Variants in SLC35F3 observed in about 807,000 individuals in gnomAD.
The protein encoded by SLC35F3 is solute carrier family 35 member F3.
In SLC35F3, 25 loss-of-function variants were observed where a neutral mutation model predicts 49.9. The ratio of observed to expected loss-of-function variants is 0.50; its 90% CI spans 0.37 to 0.70. The LOEUF (loss-of-function observed/expected upper bound fraction) is 0.70. Ranked by LOEUF, SLC35F3 falls within the 30% of genes least tolerant of loss-of-function variation. The probability of loss-of-function intolerance (pLI) is 0.00; values close to 1 mark genes in which losing one functional copy is unlikely to be tolerated. For synonymous variants in SLC35F3, 275 were observed against 265.4 expected (o/e 1.04, Z -0.35); for missense variants, 525 against 639.8 (o/e 0.82, Z 1.94).
intron 2 of SLC35F3, among the ~76,000 whole-genome samples, chr1:233,910,683 A>G (rs191170428): frequency 6.6e-6 from 1 of 152,340 alleles, no homozygotes; most frequent in African/African-American, 2.4e-5. Flanking sequence ...TCTGGGTAAA[A>G]AGTCCCCAAA....
Position 234,039,807 on chromosome 1 carries a change from C to T in SLC35F3, c.283+134049C>T, listed in dbSNP as rs545646051. Among the ~76,000 whole-genome samples the T allele has an allele frequency of 2.7e-3, 414 of 152,324 alleles. 5 individuals carry two copies. The highest frequency in any genetic ancestry group is 9.3e-3 in the African/African-American group (387 of 41,576). On this transcript the variant is annotated intron_variant, in intron 2 of 7. Coordinates refer to ENST00000366618, the MANE Select transcript of SLC35F3 (RefSeq NM_173508.4). The stretch of plus-strand genomic sequence containing the variant: ...AGCTGGCAGGAGCAAACTCCATGCA[C>T]GCCCCGCGGCAGCATCCAGGTGGGG...
At chr1:234,034,927 CA>C (rs1553299496) in intron 2 of SLC35F3, among the ~76,000 whole-genome samples, 1 of 152,196 alleles carries the variant, frequency 6.6e-6, no homozygotes, top group Non-Finnish European at 1.5e-5. Context: ...ATGACCCTAT[CA>C]TAAATTCAAC....
At chr1:233,978,746 G>A (rs1041634387) in intron 2 of SLC35F3, among the ~76,000 whole-genome samples, 3 of 151,346 alleles carry the variant, frequency 2.0e-5, no homozygotes, top group Non-Finnish European at 4.4e-5. Flanking sequence ...AGGATTAAAT[G>A]AAGTCAGGTG....
rs1048447961 is a variant in SLC35F3 at position 234,300,798 on chromosome 1, G to A, written c.609-8303G>A. Among the ~76,000 whole-genome samples, 3 of 152,220 alleles carry A rather than the reference G, an allele frequency of 2.0e-5. No individual in the cohort carries two copies. The East Asian group carries it at 5.8e-4, about 29-fold the overall frequency. ...TCTCTCTGAGTGTAGTGTGGAAAAT[G>A]GAATGAATCAGATTGGAGGAGGGAC... On this transcript the variant is annotated intron_variant, in intron 3 of 7. Transcript: ENST00000366618.
intron 2 of SLC35F3, among the ~76,000 whole-genome samples, chr1:234,152,008 T>C (rs1218198539): frequency 2.6e-5 from 4 of 151,926 alleles, no homozygotes; most frequent in Non-Finnish European, 5.9e-5. Flanking sequence ...TATCATTTCA[T>C]TTCATTTTAA....
At chr1:233,906,017 C>T (rs1325716963) in intron 2 of SLC35F3, among the ~76,000 whole-genome samples, 2 of 152,224 alleles carry the variant, frequency 1.3e-5, no homozygotes, top group East Asian at 3.9e-4. Flanking sequence ...CTCTCCACTG[C>T]CAAATACGGA....
chr1:234,309,031 T>G, intron 3 of SLC35F3, 70 bp from the exon 4 acceptor site: 1 of 1,136,894 alleles, frequency 8.8e-7, no homozygotes, highest in Non-Finnish European at 1.2e-6. Context: ...AAAAAAAACT[T>G]GCTATAGGAA....
intron 3 of SLC35F3, among the ~76,000 whole-genome samples, chr1:234,305,569 G>A (rs1657146181): frequency 6.6e-6 from 1 of 151,920 alleles, no homozygotes; most frequent in Non-Finnish European, 1.5e-5. Flanking sequence ...GTTTTTAGTA[G>A]AAATGGGGTT....
intron 2 of SLC35F3, among the ~76,000 whole-genome samples, chr1:234,140,249 C>T (rs1665891398): frequency 6.6e-6 from 1 of 152,100 alleles, no homozygotes; most frequent in South Asian, 2.1e-4. Context: ...TTTATCTCAT[C>T]TCATTTCATC....
At chr1:234,242,646 C>T (rs1667571603) in intron 3 of SLC35F3, among the ~76,000 whole-genome samples, 1 of 152,156 alleles carries the variant, frequency 6.6e-6, no homozygotes, top group Non-Finnish European at 1.5e-5. Context: ...TAATTACATA[C>T]ACCTCCTAGG....
At chr1:234,113,241 G>A (rs191964425) in intron 2 of SLC35F3, among the ~76,000 whole-genome samples, 1 of 152,130 alleles carries the variant, frequency 6.6e-6, no homozygotes, top group Non-Finnish European at 1.5e-5. Flanking sequence ...TAAGCCCTTG[G>A]CCTTAGACCT....
intron 2 of SLC35F3, among the ~76,000 whole-genome samples, chr1:234,164,166 C>T (rs929033416): frequency 6.6e-6 from 1 of 151,534 alleles, no homozygotes; most frequent in South Asian, 2.1e-4. Flanking sequence ...CGCTCTTCCC[C>T]CTACCCTGCC....
At chr1:234,181,832 G>T (rs1369950157) in intron 2 of SLC35F3, among the ~76,000 whole-genome samples, 1 of 152,060 alleles carries the variant, frequency 6.6e-6, no homozygotes, top group Non-Finnish European at 1.5e-5. Context: ...ATGTGGTTCT[G>T]TGTATTTTCA....
intron 3 of SLC35F3, among the ~76,000 whole-genome samples, chr1:234,257,512 G>A (rs1667839053): frequency 6.6e-6 from 1 of 152,200 alleles, no homozygotes; most frequent in Admixed American, 6.5e-5. Context: ...AGCAAAAGAA[G>A]ATGGACAAGG....
intron 2 of SLC35F3, among the ~76,000 whole-genome samples, chr1:233,964,774 T>C (rs1161051514): frequency 6.6e-6 from 1 of 152,212 alleles, no homozygotes; most frequent in Non-Finnish European, 1.5e-5. Flanking sequence ...GCCATGCTGA[T>C]GAGTTCCTTT....
Position 233,905,472 on chromosome 1 carries a change from C to T in SLC35F3, c.54-57C>T, listed in dbSNP as rs544070030. The T allele has an allele frequency of 4.8e-5, 62 of 1,302,566 alleles. No homozygotes were observed. The South Asian group carries it at 7.2e-4, about 15-fold the overall frequency. 80.7% of individuals were successfully genotyped at this position (1,302,566 alleles called of 1,614,324 possible). A position where few individuals can be genotyped will look rare whatever the true frequency, so the allele number is the denominator to read the frequency against. On this transcript the variant is annotated intron_variant, in intron 1 of 7. Coordinates refer to ENST00000366618, the MANE Select transcript of SLC35F3 (RefSeq NM_173508.4). Reference sequence around the variant, plus strand: ...GGGATCTGCTCCTCACGAATCCCCTCCTCTCTGTCCATGCTCCCCCTGCCC... The same window carrying T: ...GGGATCTGCTCCTCACGAATCCCCTTCTCTCTGTCCATGCTCCCCCTGCCC...
intron 2 of SLC35F3, among the ~76,000 whole-genome samples, chr1:234,176,180 A>G (rs1666473475): frequency 6.6e-6 from 1 of 152,172 alleles, no homozygotes; most frequent in African/African-American, 2.4e-5. Flanking sequence ...TTCTGCCGCC[A>G]AGAAGCTCTG....
Position 233,922,922 on chromosome 1 carries a change from T to C in SLC35F3, c.283+17164T>C, listed in dbSNP as rs149572892. Reference sequence around the variant, plus strand: ...AATCGGGAATCGTTTCCCCATTTCTTGTTTTTGTCAGGTTTGTCAAAGATC... The same window carrying C: ...AATCGGGAATCGTTTCCCCATTTCTCGTTTTTGTCAGGTTTGTCAAAGATC... On this transcript the variant is annotated intron_variant, in intron 2 of 7. Coordinates refer to ENST00000366618, the MANE Select transcript of SLC35F3 (RefSeq NM_173508.4). Among the ~76,000 whole-genome samples, 1,033 of 152,344 alleles carry C rather than the reference T, an allele frequency of 6.8e-3. 13 individuals are homozygous for C. The highest frequency in any genetic ancestry group is 0.031 in the Middle Eastern group (9 of 294).
intron 2 of SLC35F3, among the ~76,000 whole-genome samples, chr1:234,209,377 C>T (rs958650874): frequency 2.0e-5 from 3 of 151,896 alleles, no homozygotes; most frequent in African/African-American, 7.3e-5. Context: ...AAAAAAAGCT[C>T]CAGTGAAGCT....
Sources: allele counts gnomAD v4.1 joint callset (sites outside exome capture counted in the v4.1 genomes callset), GRCh38; gene constraint gnomAD v4.1.1; transcripts MANE v1.5; gene names NCBI Gene and HGNC (gene_info 2026-07-23, HGNC 2026-07-21).